Variants in FGF14 observed in about 807,000 individuals in gnomAD.
FGF14 encodes the protein fibroblast growth factor 14, also known as fibroblast growth factor homologous factor 4.
A neutral mutation model predicts 25.5 loss-of-function variants in FGF14; 5 were observed. That is an observed-to-expected ratio of 0.20 (90% CI 0.10 to 0.41). The LOEUF (loss-of-function observed/expected upper bound fraction) is 0.41. Among genes scored for constraint, FGF14 ranks in the 10% least tolerant of loss-of-function variants. The probability of loss-of-function intolerance (pLI) is 1.00; values close to 1 mark genes in which losing one functional copy is unlikely to be tolerated. For missense variants in FGF14, 222 were observed against 320.1 expected (o/e 0.69, Z 2.34); for synonymous variants, 138 against 118.3 (o/e 1.17, Z -1.08).
At chr13:102,030,271 G>A (rs2041145522) in intron 1 of FGF14, among the ~76,000 whole-genome samples, 1 of 152,050 alleles carries the variant, frequency 6.6e-6, no homozygotes, top group Non-Finnish European at 1.5e-5. Flanking sequence ...AAGTTAATAT[G>A]CTTTTCTAAT....
chr13:102,218,708 T>C (rs1308758508), intron 1 of FGF14, among the ~76,000 whole-genome samples: 1 of 152,090 alleles, frequency 6.6e-6, no homozygotes, highest in Non-Finnish European at 1.5e-5. Context: ...CACATCCACT[T>C]AATGTCACCA....
Position 101,929,596 on chromosome 13 carries a change from C to T in FGF14, c.209-54300G>A, listed in dbSNP as rs116752258. Reference sequence around the variant, plus strand: ...CAGTAGACCCACTCAATTACCTGGGCGTTGTCACGTCATCTGACTATTTTC... The same window carrying T: ...CAGTAGACCCACTCAATTACCTGGGTGTTGTCACGTCATCTGACTATTTTC... On this transcript the variant is annotated intron_variant, in intron 1 of 4. Transcript: ENST00000376131. 3.4e-3 allele frequency among the ~76,000 whole-genome samples: 518 copies of T among 152,254 alleles called. 1 individual carries two copies. The highest frequency in any genetic ancestry group is 0.012 in the African/African-American group (493 of 41,542).
At chr13:101,948,574 A>G (rs2035963615) in intron 1 of FGF14, among the ~76,000 whole-genome samples, 1 of 151,896 alleles carries the variant, frequency 6.6e-6, no homozygotes, top group South Asian at 2.1e-4. Context: ...ACAAATGCAA[A>G]TATTAAAATG....
At chr13:102,111,599 C>G (rs1595310923) in intron 1 of FGF14, among the ~76,000 whole-genome samples, 2 of 152,010 alleles carry the variant, frequency 1.3e-5, no homozygotes, top group African/African-American at 4.8e-5. Context: ...GCCTGGAGTT[C>G]CAGCTACTCG....
chr13:101,876,735 A>T (rs1384172050), intron 1 of FGF14, among the ~76,000 whole-genome samples: 1 of 152,186 alleles, frequency 6.6e-6, no homozygotes, highest in Non-Finnish European at 1.5e-5. Flanking sequence ...ATTGCGTTAC[A>T]TATGTTCCTT....
At chr13:102,237,204 A>G (rs1330846789) in intron 1 of FGF14, among the ~76,000 whole-genome samples, 1 of 152,196 alleles carries the variant, frequency 6.6e-6, no homozygotes, top group Non-Finnish European at 1.5e-5. Flanking sequence ...AGACCTTCCC[A>G]CACACATTTG....
At chr13:101,899,421 G>T (rs1047678346) in intron 1 of FGF14, among the ~76,000 whole-genome samples, 2 of 151,628 alleles carry the variant, frequency 1.3e-5, no homozygotes, top group African/African-American at 4.8e-5. Flanking sequence ...TATAACCAAA[G>T]AACTGAATTA....
chr13:102,176,342 T>C (rs1313966260), intron 1 of FGF14, among the ~76,000 whole-genome samples: 1 of 152,144 alleles, frequency 6.6e-6, no homozygotes, highest in Admixed American at 6.6e-5. Flanking sequence ...CCGTATGTCC[T>C]CACTTATAAG....
chr13:101,973,371 G>C (rs1418298393), intron 1 of FGF14, among the ~76,000 whole-genome samples: 1 of 152,104 alleles, frequency 6.6e-6, no homozygotes, highest in Non-Finnish European at 1.5e-5. Context: ...AGGTTGGCTT[G>C]GAGATATTCT....
intron 1 of FGF14, among the ~76,000 whole-genome samples, chr13:102,394,149 CGT>C (rs2058505096): frequency 6.6e-6 from 1 of 152,214 alleles, no homozygotes; most frequent in Non-Finnish European, 1.5e-5. Context: ...GAACTTGGCT[CGT>C]TCTCTCCCAG....
intron 1 of FGF14, among the ~76,000 whole-genome samples, chr13:101,932,633 A>T (rs1325880123): frequency 6.6e-6 from 1 of 151,762 alleles, no homozygotes; most frequent in Non-Finnish European, 1.5e-5. Context: ...TTGTTTCTTG[A>T]GCCACAAGTA....
chr13:101,916,745 G>C lies in FGF14; in HGVS notation c.-100C>G, dbSNP rs926820086. ...GCGGCGCAGACCGTGGCTCGCCCTC[G>C]GGGCAGAGGAGGGGGTGCCAGGCGG... is the stretch of plus-strand genomic sequence containing the variant. On this transcript the variant is annotated 5_prime_UTR_variant, in exon 1 of 5. Coordinates refer to ENST00000376143, the MANE Select transcript of FGF14 (RefSeq NM_004115.4). The C allele has an allele frequency of 9.2e-7, 1 of 1,083,554 alleles. No individual in the cohort carries two copies. The allele number at this position is 1,083,554 out of a possible 1,614,324, so 67.1% of individuals were successfully genotyped here.
chr13:102,374,647 TATATATATATATATATATA>T (rs2057987478), intron 1 of FGF14, among the ~76,000 whole-genome samples: 5 of 1,448 alleles, frequency 3.5e-3, no homozygotes, highest in African/African-American at 0.01. Flanking sequence ...ACATATTTTA[TATATATATATATATATATA>T]TATATATATA....
At chr13:102,370,445 G>A (rs1355329494) in intron 1 of FGF14, among the ~76,000 whole-genome samples, 1 of 151,840 alleles carries the variant, frequency 6.6e-6, no homozygotes, top group East Asian at 1.9e-4. Context: ...ATTTTTGTTT[G>A]TTTGTTATGA....
intron 1 of FGF14, among the ~76,000 whole-genome samples, chr13:102,380,068 T>C (rs900406691): frequency 2.6e-5 from 4 of 152,170 alleles, no homozygotes; most frequent in Non-Finnish European, 4.4e-5. Context: ...GTCCCTTTTC[T>C]TAATTTCTCA....
chr13:101,788,965 G>GAGAGATAA (rs2040073837), intron 3 of FGF14, among the ~76,000 whole-genome samples: 1 of 80,606 alleles, frequency 1.2e-5, no homozygotes. Flanking sequence ...GAGAGAGAGA[G>GAGAGATAA]AGAGACAGAG....
chr13:102,344,938 T>C (rs536443486), intron 1 of FGF14, among the ~76,000 whole-genome samples: 48 of 152,332 alleles, frequency 3.2e-4, no homozygotes, highest in African/African-American at 1.1e-3. Flanking sequence ...GAAACCACGC[T>C]GTTGAAGCAG....
chr13:101,935,046 G>A (rs1465096466), intron 1 of FGF14, among the ~76,000 whole-genome samples: 2 of 152,164 alleles, frequency 1.3e-5, no homozygotes, highest in Non-Finnish European at 2.9e-5. Context: ...AGATACAAAA[G>A]GAGATTGTGG....
intron 1 of FGF14, among the ~76,000 whole-genome samples, chr13:102,099,797 G>T (rs141326836): frequency 6.6e-6 from 1 of 151,884 alleles, no homozygotes; most frequent in African/African-American, 2.4e-5. Flanking sequence ...ATAATTATTT[G>T]TCAGTAATAT....
Sources: allele counts gnomAD v4.1 joint callset (sites outside exome capture counted in the v4.1 genomes callset), GRCh38; gene constraint gnomAD v4.1.1; transcripts MANE v1.5; gene names NCBI Gene and HGNC (gene_info 2026-07-23, HGNC 2026-07-21).